BBS5: variants seen among roughly 807,000 people sequenced by gnomAD.
BBS5 encodes the protein BBSome complex member BBS5.
In BBS5, 39 loss-of-function variants were observed where a neutral mutation model predicts 50.2. The ratio of observed to expected loss-of-function variants is 0.78; its 90% confidence interval spans 0.60 to 1.01. BBS5 has a LOEUF of 1.01. Ranked by LOEUF, BBS5 falls within the 50% of genes least tolerant of loss-of-function variation. BBS5 has a pLI of 0.00. For synonymous variants in BBS5, 134 were observed against 133.1 expected, an observed-to-expected ratio of 1.01 and a Z score of -0.05; for missense variants, 356 against 401.5, an observed-to-expected ratio of 0.89 and a Z score of 0.97.
In BBS5 at chr2:169,504,636, C is replaced by T. The variant is rs1460569510; in HGVS notation, c.*54C>T. ...TAAAGATATCTCTAGTTTAAAGATA[C>T]TAGTCACCTGCCATAAGTCATGGAA... On this transcript the variant is annotated 3_prime_UTR_variant, in exon 12 of 12. Coordinates refer to ENST00000295240, the MANE Select transcript of BBS5 (RefSeq NM_152384.3). The T allele has an allele frequency of 7.6e-7, 1 of 1,317,912 alleles. No homozygotes were observed. The highest frequency in any genetic ancestry group is 1.1e-6 in the Non-Finnish European group (1 of 910,142). 81.6% of individuals were successfully genotyped at this position (1,317,912 alleles called of 1,614,324 possible). A position where few individuals can be genotyped will look rare whatever the true frequency, so the allele number is the denominator to read the frequency against.
Position 169,504,833 on chromosome 2 carries a change from G to A in BBS5, c.*251G>A. The stretch of plus-strand genomic sequence containing the variant: ...GGCGCTGGCTTAAGCCATGGCTGAG[G>A]GTAGCTGGATTCCTCAGGCCCGGGC... On this transcript the variant is annotated 3_prime_UTR_variant, in exon 12 of 12. Transcript: ENST00000295240. 1 of 1,603,514 alleles carries A rather than the reference G, an allele frequency of 6.2e-7. No individual in the cohort carries two copies. The highest frequency in any genetic ancestry group is 1.1e-5 in the South Asian group (1 of 89,988).
At chr2:169,503,787 A>G (rs1683850907) in intron 10 of BBS5, among the ~76,000 whole-genome samples, 1 of 152,216 alleles carries the variant, frequency 6.6e-6, no homozygotes, top group African/African-American at 2.4e-5. Context: ...ATGGCTATGA[A>G]TCTGACTAGA....
Position 169,504,899 on chromosome 2 carries a change from C to G in BBS5, c.*317C>G, listed in dbSNP as rs141011904. 2,664 of 1,613,722 alleles carry G rather than the reference C, an allele frequency of 1.7e-3. 54 individuals are homozygous for G. The African/African-American group carries it at 0.031, about 19-fold the overall frequency. The stretch of plus-strand genomic sequence containing the variant: ...CCTGCACGCCCGGCTGCAAATTCGC[C>G]CAGCCAATGGGGACGTTGCGGCCCA... On this transcript the variant is annotated 3_prime_UTR_variant, in exon 12 of 12. Coordinates refer to ENST00000295240, the MANE Select transcript of BBS5 (RefSeq NM_152384.3).
chr2:169,479,855 G>A (rs1683357455), intron 1 of BBS5, among the ~76,000 whole-genome samples: 1 of 152,212 alleles, frequency 6.6e-6, no homozygotes, highest in Admixed American at 6.5e-5. Context: ...GCGACCTCCG[G>A]TTCCCCCATC....
chr2:169,482,953 C>T (rs189093709), intron 2 of BBS5, among the ~76,000 whole-genome samples: 229 of 152,050 alleles, frequency 1.5e-3, no homozygotes, highest in African/African-American at 5.2e-3. Context: ...GAGCCAGTGA[C>T]CAGTAGGTCT....
At chr2:169,481,137 G>T (rs1480761747) in intron 1 of BBS5, among the ~76,000 whole-genome samples, 1 of 152,176 alleles carries the variant, frequency 6.6e-6, no homozygotes, top group African/African-American at 2.4e-5. Flanking sequence ...CCGTTCTAGT[G>T]CAGGAGATAC....
Position 169,484,402 on chromosome 2 carries a change from C to CTG in BBS5, c.142+2086_142+2087dup, listed in dbSNP as rs34397673. 5.7e-3 allele frequency among the ~76,000 whole-genome samples: 858 copies of CTG among 150,780 alleles called. 13 individuals are homozygous for CTG. The highest frequency in any genetic ancestry group is 0.043 in the East Asian group (223 of 5,128). ...TGTCTCAAAGTTAAAATAGAAATAACTGTGTGTGTGTGTGTGTGCACAGAC... is the reference window on the plus strand; with the variant it reads ...TGTCTCAAAGTTAAAATAGAAATAACTGTGTGTGTGTGTGTGTGTGCACAGAC... On this transcript the variant is annotated intron_variant, in intron 2 of 11. Transcript: ENST00000295240.
In BBS5 at chr2:169,504,839, T is replaced by C. The variant is rs3087952; in HGVS notation, c.*257T>C. On this transcript the variant is annotated 3_prime_UTR_variant, in exon 12 of 12. Coordinates refer to ENST00000295240, the MANE Select transcript of BBS5 (RefSeq NM_152384.3). ...GGCTTAAGCCATGGCTGAGGGTAGC[T>C]GGATTCCTCAGGCCCGGGCGCTCCT... The C allele has an allele frequency of 6.9e-6, 11 of 1,605,500 alleles. No homozygotes were observed. The highest frequency in any genetic ancestry group is 9.4e-6 in the Non-Finnish European group (11 of 1,175,800).
intron 8 of BBS5, among the ~76,000 whole-genome samples, 174 bp downstream of exon 8, chr2:169,497,863 C>G (rs569716813): frequency 7.9e-5 from 12 of 152,178 alleles, no homozygotes; most frequent in African/African-American, 2.6e-4. Context: ...GAGGAAGAAT[C>G]CTGCTTATAT....
chr2:169,503,426 G>A lies in BBS5; in HGVS notation c.900+248G>A, dbSNP rs547566938. 4.1e-4 allele frequency among the ~76,000 whole-genome samples: 63 copies of A among 152,248 alleles called. 1 individual carries two copies. The East Asian group carries it at 9.4e-3, about 23-fold the overall frequency. ...TGTAAGCCCGGCACTTTGGAAGGCC[G>A]AGGTAGGCTGATCGCTTGAGAGGAT... On this transcript the variant is annotated intron_variant, in intron 10 of 11. Transcript: ENST00000295240.
chr2:169,484,011 A>T (rs1329040794), intron 2 of BBS5, among the ~76,000 whole-genome samples: 1 of 152,176 alleles, frequency 6.6e-6, no homozygotes, highest in African/African-American at 2.4e-5. Flanking sequence ...TGAGCGCAGA[A>T]TCCTATACTA....
chr2:169,485,101 C>T (rs186071022), intron 2 of BBS5, among the ~76,000 whole-genome samples: 1,578 of 151,916 alleles, frequency 0.01, no homozygotes, highest in Non-Finnish European at 0.017. Flanking sequence ...CTCCTGGGAC[C>T]GACAGAAAAA....
chr2:169,499,759 T>C lies in BBS5; in HGVS notation c.816+139T>C, dbSNP rs76384868. The stretch of plus-strand genomic sequence containing the variant: ...TATACAGATTCTGCTCAAGTGGGCA[T>C]AGCTCCTGGATTATCACTAATTTGT... On this transcript the variant is annotated intron_variant, in intron 9 of 11. Transcript: ENST00000295240. 2,062 of 874,914 alleles carry C rather than the reference T, an allele frequency of 2.4e-3. 40 individuals are homozygous for C. In the African/African-American group the frequency reaches 0.03, roughly 13 times the overall value. The allele number at this position is 874,914 out of a possible 1,614,324, so 54.2% of individuals were successfully genotyped here. A position where few individuals can be genotyped will look rare whatever the true frequency, so the allele number is the denominator to read the frequency against.
chr2:169,504,698 G>T lies in BBS5; in HGVS notation c.*116G>T, dbSNP rs1454167421. ...TTTACAGCTTTTATATTTAAAACTT[G>T]TAAGAGTTTTTTTAATGATTGAGGA... On this transcript the variant is annotated 3_prime_UTR_variant, in exon 12 of 12. Transcript: ENST00000295240. 5.1e-6 allele frequency: 6 copies of T among 1,184,550 alleles called. No homozygotes were observed. Among genetic ancestry groups the T allele is most frequent in the African/African-American group, 1.6e-5 (1 of 64,190 alleles). The allele number at this position is 1,184,550 out of a possible 1,614,324, so 73.4% of individuals were successfully genotyped here.
intron 5 of BBS5, among the ~76,000 whole-genome samples, chr2:169,490,609 A>C (rs1683579672): frequency 6.6e-6 from 1 of 152,100 alleles, no homozygotes; most frequent in Non-Finnish European, 1.5e-5. Flanking sequence ...AATTTTATTG[A>C]TGTTTTAGTC....
chr2:169,504,362 A>T, intron 11 of BBS5, 36 bp downstream of exon 11: 2 of 1,608,290 alleles, frequency 1.2e-6, no homozygotes, highest in Non-Finnish European at 1.7e-6. Flanking sequence ...TATATGAAAA[A>T]AGTTTCTAAA....
chr2:169,482,151 C>A, intron 1 of BBS5, 100 bp from the exon 2 acceptor site: 1 of 790,696 alleles, frequency 1.3e-6, no homozygotes, highest in Non-Finnish European at 2.3e-6. Flanking sequence ...ATTATTTATG[C>A]TGTTAGCTGT....
chr2:169,491,651 C>A (rs559690548), intron 5 of BBS5, among the ~76,000 whole-genome samples: 1 of 151,900 alleles, frequency 6.6e-6, no homozygotes, highest in South Asian at 2.1e-4. Flanking sequence ...CCTTTTTCCT[C>A]CCTCTTTCTC....
chr2:169,503,201 T>A (rs1683840825), intron 10 of BBS5, 23 bp downstream of exon 10: 1 of 1,555,038 alleles, frequency 6.4e-7, no homozygotes, highest in Non-Finnish European at 8.9e-7. Context: ...AAGGACAGCA[T>A]TAAATTTCTT....
Sources: gnomAD v4.1 joint callset for allele counts (sites outside exome capture counted in the v4.1 genomes callset) on GRCh38, gnomAD v4.1.1 for gene constraint, MANE v1.5 for transcripts, NCBI Gene and HGNC (gene_info 2026-07-23, HGNC 2026-07-21) for gene names.